The following FHDC1 variants were observed in gnomAD, a reference collection of about 807,000 sequenced individuals.
The protein encoded by FHDC1 is FH2 domain containing 1.
FHDC1 carries 25 observed loss-of-function variants against 52.6 expected under a neutral mutation model. The observed-to-expected ratio is 0.48, with a 90% confidence interval of 0.35 to 0.66. The LOEUF (loss-of-function observed/expected upper bound fraction) is 0.66. Ranked by LOEUF, FHDC1 falls within the 30% of genes least tolerant of loss-of-function variation. The pLI, the probability that FHDC1 is intolerant of heterozygous loss-of-function variation, is 0.01. For synonymous variants in FHDC1, 616 were observed against 581.5 expected (o/e 1.06, Z -0.85); for missense variants, 1,459 against 1,452.8 (o/e 1.00, Z -0.07).
At chr4:152,938,523 G>A (rs1354995437) in intron 1 of FHDC1, among the ~76,000 whole-genome samples, 1 of 152,172 alleles carries the variant, frequency 6.6e-6, no homozygotes, top group Non-Finnish European at 1.5e-5. Flanking sequence ...AATTAGTGGA[G>A]TGGGAGTAAA....
chr4:152,942,569 T>G (rs542460651), intron 1 of FHDC1, among the ~76,000 whole-genome samples: 1 of 152,338 alleles, frequency 6.6e-6, no homozygotes, highest in South Asian at 2.1e-4. Flanking sequence ...GCAGTTTCCC[T>G]AGGGGTTGGG....
chr4:152,933,357 T>A (rs1739282815), upstream of FHDC1, among the ~76,000 whole-genome samples: 1 of 152,188 alleles, frequency 6.6e-6, no homozygotes, highest in Non-Finnish European at 1.5e-5. Context: ...ATCCAATCCA[T>A]CAAGATATGA....
chr4:152,959,775 A>G (rs1579094033), intron 4 of FHDC1, among the ~76,000 whole-genome samples: 1 of 152,078 alleles, frequency 6.6e-6, no homozygotes, highest in Non-Finnish European at 1.5e-5. Context: ...GATACCTTTT[A>G]AAAAAATTTA....
At position 152,959,627 on chromosome 4, in the gene FHDC1, C is replaced by T. The variant is rs116163750; in HGVS notation, c.664-938C>T. On this transcript the variant is annotated intron_variant, in intron 4 of 11. Transcript: ENST00000511601. ...TGTTGCCCAGGCTAGTCTTGAACTC[C>T]TGGCCTCAAGTGATCCTTCTGCCTT... 5.7e-3 allele frequency among the ~76,000 whole-genome samples: 866 copies of T among 152,212 alleles called. 10 individuals are homozygous for T. The highest frequency in any genetic ancestry group is 0.02 in the African/African-American group (841 of 41,526).
chr4:152,915,661 T>C, the FHDC1 span, among the ~76,000 whole-genome samples: 3 of 152,170 alleles, frequency 2.0e-5, no homozygotes, highest in Non-Finnish European at 2.9e-5. Flanking sequence ...CTTTCTGTAG[T>C]AGAAAGAATG....
intron 1 of FHDC1, among the ~76,000 whole-genome samples, chr4:152,941,837 T>C (rs1050915041): frequency 6.6e-6 from 1 of 152,184 alleles, no homozygotes; most frequent in Non-Finnish European, 1.5e-5. Context: ...AAAGCCATTG[T>C]GTATGGCCCT....
At chr4:152,951,752 T>C (rs1739933338) in intron 2 of FHDC1, among the ~76,000 whole-genome samples, 1 of 152,144 alleles carries the variant, frequency 6.6e-6, no homozygotes, top group South Asian at 2.1e-4. Context: ...AGTCTCCCGT[T>C]ACCAAAAAAC....
intron 4 of FHDC1, among the ~76,000 whole-genome samples, chr4:152,958,090 A>G (rs986130325): frequency 2.0e-5 from 3 of 152,102 alleles, no homozygotes; most frequent in Non-Finnish European, 2.9e-5. Flanking sequence ...CAGGAAGCCC[A>G]TGGGTCTTCT....
intron 2 of FHDC1, among the ~76,000 whole-genome samples, chr4:152,944,428 A>G (rs1739667372): frequency 6.6e-6 from 1 of 152,230 alleles, no homozygotes; most frequent in African/African-American, 2.4e-5. Flanking sequence ...AAACAGAGAA[A>G]GACAACAGAA....
intron 2 of FHDC1, among the ~76,000 whole-genome samples, chr4:152,950,433 T>C (rs1194845512): frequency 1.3e-5 from 2 of 152,182 alleles, no homozygotes; most frequent in Non-Finnish European, 2.9e-5. Flanking sequence ...CTCATTTTAA[T>C]GTTGTTTGGG....
chr4:152,939,077 T>G (rs1561200619), intron 1 of FHDC1, among the ~76,000 whole-genome samples: 1 of 152,148 alleles, frequency 6.6e-6, no homozygotes, highest in East Asian at 1.9e-4. Flanking sequence ...GTCTTTTTTT[T>G]GGTTATTGTT....
intron 4 of FHDC1, among the ~76,000 whole-genome samples, chr4:152,959,723 C>T (rs12499120): frequency 0.5 from 76,642 of 151,974 alleles, 20,055 homozygotes; most frequent in South Asian, 0.7. Context: ...CATCTTTTTC[C>T]TGTGTATGTA....
intron 1 of FHDC1, among the ~76,000 whole-genome samples, chr4:152,942,374 G>A (rs558522402): frequency 6.9e-4 from 105 of 152,302 alleles, no homozygotes; most frequent in Middle Eastern, 3.4e-3. Context: ...ACATCACCAA[G>A]TAGAGCATAA....
rs547616862 is a variant in FHDC1, at chr4:152,943,747, C to T, written c.498+192C>T. On this transcript the variant is annotated intron_variant, in intron 2 of 11. Transcript: ENST00000511601. ...GTATTGAGAAAGCGTAAGAAGTATGCGTGCTGTATCCTCCCAGACGCCCTG... is the reference window on the plus strand; with the variant it reads ...GTATTGAGAAAGCGTAAGAAGTATGTGTGCTGTATCCTCCCAGACGCCCTG... Among the ~76,000 whole-genome samples, 21 of 152,282 alleles carry T rather than the reference C, an allele frequency of 1.4e-4. No homozygotes were observed. The South Asian group carries it at 3.5e-3, about 26-fold the overall frequency.
the FHDC1 span, among the ~76,000 whole-genome samples, chr4:152,924,543 A>G: frequency 6.6e-6 from 1 of 152,196 alleles, no homozygotes; most frequent in African/African-American, 2.4e-5. Flanking sequence ...TCATGCTGCT[A>G]TAAAGACACA....
In FHDC1 at chr4:152,943,170, C is replaced by T. The variant is rs1739623640; in HGVS notation, c.113C>T (p.Pro38Leu). 1 of 1,613,506 alleles carries T rather than the reference C, an allele frequency of 6.2e-7. No individual in the cohort carries two copies. The highest frequency in any genetic ancestry group is 1.3e-5 in the African/African-American group (1 of 74,714). The change falls in exon 2 of 12, where the codon CCT becomes CTT. Residue 38 changes from proline (P) to leucine (L), a missense_variant. Coordinates refer to ENST00000511601, the MANE Select transcript of FHDC1 (RefSeq NM_001371116.1). ...QTPPPAPPPP[P>L]PPPPPSPPCS... ...CCTCCTCCAGCACCTCCTCCACCTC[C>T]TCCTCCACCCCCTCCATCTCCACCA...
the FHDC1 span, among the ~76,000 whole-genome samples, chr4:152,914,223 C>A: frequency 2.6e-5 from 4 of 152,256 alleles, no homozygotes; most frequent in Admixed American, 1.3e-4. Context: ...TGAGGACTTT[C>A]ATTAAATTCA....
At position 152,972,403 on chromosome 4, in the gene FHDC1, G is replaced by A. The variant is rs1280168755; in HGVS notation, c.1245G>A (p.Leu415=). Residue 415 remains leucine, a synonymous_variant, in exon 11 of 12, where the codon CTG becomes CTA. Coordinates refer to ENST00000511601, the MANE Select transcript of FHDC1 (RefSeq NM_001371116.1). ...TTGCCATAGAAAAGCTGAGGGAACT[G>A]GAATGCTGGAAACAAGAGCTCCAGG... ...LQFAIEKLRE[L]ECWKQELQDE... is the part of the protein sequence containing the mutation. 6.2e-7 allele frequency: 1 copy of A among 1,603,836 alleles called. No homozygotes were observed. Among genetic ancestry groups the A allele is most frequent in the Admixed American group, 1.8e-5 (1 of 56,980 alleles).
At chr4:152,974,564 G>A (rs1740777343) in intron 11 of FHDC1, 111 bp from the exon 12 acceptor site, 15 of 1,455,464 alleles carry the variant, frequency 1.0e-5, no homozygotes, top group African/African-American at 1.4e-5. Context: ...ACATGACCCT[G>A]AGCTCCCCTC....
Sources: allele counts gnomAD v4.1 joint callset (sites outside exome capture counted in the v4.1 genomes callset), GRCh38; gene constraint gnomAD v4.1.1; transcripts MANE v1.5; gene names NCBI Gene and HGNC (gene_info 2026-07-23, HGNC 2026-07-21).